The following VWA8 variants were observed in gnomAD, a reference collection of about 807,000 sequenced individuals.
The protein encoded by VWA8 is von Willebrand factor A domain containing 8.
Under a neutral mutation model 241.5 loss-of-function variants are expected in VWA8, and 221 were observed. The ratio of observed to expected loss-of-function variants is 0.91; its 90% CI spans 0.82 to 1.02. The LOEUF (loss-of-function observed/expected upper bound fraction) is 1.02. VWA8 is among the 50% of genes least tolerant of loss of function. The pLI is 0.00. For missense variants in VWA8, 2,322 were observed against 2,328.7 expected (o/e 1.00, Z 0.06); for synonymous variants, 852 against 827.1 (o/e 1.03, Z -0.52).
chr13:41,887,381 G>A lies in VWA8; in HGVS notation c.652-20C>T, dbSNP rs377514963. The A allele has an allele frequency of 1.1e-5, 17 of 1,601,886 alleles. No homozygotes were observed. The highest frequency in any genetic ancestry group is 6.7e-5 in the East Asian group (3 of 44,648). On this transcript the variant is annotated intron_variant, in intron 5 of 44. Transcript: ENST00000379310. ...ATGATCCTATAAAAGTAAGAGATCC[G>A]GAAGCTATAGCATAAATGATACAAA...
intron 16 of VWA8, among the ~76,000 whole-genome samples, chr13:41,816,442 G>A (rs576000571): frequency 1.8e-4 from 27 of 152,254 alleles, no homozygotes; most frequent in Non-Finnish European, 2.9e-4. Flanking sequence ...AGAGGGGACA[G>A]AGCAGAACCC....
At chr13:41,793,251 TA>T (rs1343284097) in intron 17 of VWA8, among the ~76,000 whole-genome samples, 1 of 152,182 alleles carries the variant, frequency 6.6e-6, no homozygotes, top group Non-Finnish European at 1.5e-5. Flanking sequence ...CTCCATTTAG[TA>T]GAATAATTTT....
chr13:41,838,370 G>A (rs965438041), intron 12 of VWA8, among the ~76,000 whole-genome samples: 1 of 152,064 alleles, frequency 6.6e-6, no homozygotes, highest in African/African-American at 2.4e-5. Flanking sequence ...TTGTTAGTGT[G>A]TAAAGAAATT....
intron 17 of VWA8, among the ~76,000 whole-genome samples, chr13:41,806,001 T>TAAAAAAAA (rs60826821): frequency 1.0e-4 from 12 of 118,900 alleles, no homozygotes; most frequent in African/African-American, 1.2e-4. Flanking sequence ...AATTCAAAAA[T>TAAAAAAAA]AAAAAAAAAA....
At chr13:41,591,456 G>A (rs988882560) in intron 40 of VWA8, among the ~76,000 whole-genome samples, 2 of 152,160 alleles carry the variant, frequency 1.3e-5, no homozygotes, top group African/African-American at 4.8e-5. Flanking sequence ...TTACATTAAT[G>A]AGTGGGAAGA....
At chr13:41,602,594 G>A (rs1242374037) in intron 40 of VWA8, among the ~76,000 whole-genome samples, 1 of 152,088 alleles carries the variant, frequency 6.6e-6, no homozygotes, top group Non-Finnish European at 1.5e-5. Context: ...TACCTGACTG[G>A]GTACCTGGCC....
intron 37 of VWA8, among the ~76,000 whole-genome samples, chr13:41,627,239 C>T (rs1227801666): frequency 1.3e-5 from 2 of 152,100 alleles, no homozygotes; most frequent in Non-Finnish European, 2.9e-5. Context: ...TCAGAATGGC[C>T]ATTATTAAAA....
intron 4 of VWA8, among the ~76,000 whole-genome samples, chr13:41,899,726 TG>T (rs1210699146): frequency 2.0e-4 from 31 of 152,302 alleles, no homozygotes; most frequent in African/African-American, 7.5e-4. Flanking sequence ...AATAAGCAAC[TG>T]AATAGAACAA....
At chr13:41,610,407 T>TAAA (rs1305301449) in intron 39 of VWA8, among the ~76,000 whole-genome samples, 2 of 152,162 alleles carry the variant, frequency 1.3e-5, no homozygotes, top group African/African-American at 2.4e-5. Flanking sequence ...AGAGGACAGA[T>TAAA]AAACTGTCAA....
At chr13:41,953,574 G>C (rs907295527) in intron 1 of VWA8, among the ~76,000 whole-genome samples, 7 of 152,182 alleles carry the variant, frequency 4.6e-5, no homozygotes, top group African/African-American at 1.7e-4. Context: ...GGGAGGCCGA[G>C]GTGGGTGGAT....
At position 41,605,083 on chromosome 13, in the gene VWA8, G is replaced by A; in HGVS notation, c.4986+85C>T. ...ACATTTTTTCGGACTGGCTAATTAG[G>A]GTTCAGATAATTTTCTCCAAGACTT... On this transcript the variant is annotated intron_variant, in intron 40 of 44. Transcript: ENST00000379310. 6.7e-6 allele frequency: 9 copies of A among 1,337,316 alleles called. No homozygotes were observed. The South Asian group carries it at 7.4e-5, about 11-fold the overall frequency. The allele number at this position is 1,337,316 out of a possible 1,614,324, so 82.8% of individuals were successfully genotyped here.
At position 41,833,384 on chromosome 13, in the gene VWA8, C is replaced by A. The variant is rs748219983; in HGVS notation, c.1573G>T (p.Ala525Ser). ...GIHRVNAGTL[A>S]VLQRLIHDRE... ...ACTCATACCCACCTTTGCAATACAG[C>A]AAGCGTGCCCGCATTCACCCGGTGA... is the stretch of plus-strand genomic sequence containing the variant. The change falls in exon 13 of 45, where the codon GCT becomes TCT. Residue 525 changes from alanine (A) to serine (S), a missense_variant. Ala to Ser is a moderately conservative substitution (Grantham distance 99). Transcript: ENST00000379310. The A allele has an allele frequency of 8.1e-6, 13 of 1,610,790 alleles. No individual in the cohort carries two copies. The East Asian group carries it at 2.9e-4, about 36-fold the overall frequency.
At chr13:41,729,020 A>G (rs1253360054) in intron 23 of VWA8, among the ~76,000 whole-genome samples, 2 of 152,046 alleles carry the variant, frequency 1.3e-5, no homozygotes, top group South Asian at 2.1e-4. Flanking sequence ...AGATTAATCT[A>G]TCTTCATTTT....
intron 2 of VWA8, among the ~76,000 whole-genome samples, chr13:41,940,431 A>G (rs1313676221): frequency 2.7e-5 from 4 of 148,014 alleles, no homozygotes; most frequent in Admixed American, 6.7e-5. Flanking sequence ...TTCAAAACAG[A>G]AAAAAAAAAA....
chr13:41,591,929 C>G (rs1479522206), intron 40 of VWA8, among the ~76,000 whole-genome samples: 4 of 139,744 alleles, frequency 2.9e-5, no homozygotes, highest in South Asian at 2.5e-4. Context: ...GGATCTAGAA[C>G]TAGAAATACC....
At chr13:41,903,700 T>C (rs1291559525) in intron 4 of VWA8, among the ~76,000 whole-genome samples, 2 of 152,112 alleles carry the variant, frequency 1.3e-5, no homozygotes, top group African/African-American at 2.4e-5. Flanking sequence ...GGAAAGGTGG[T>C]AGACAAACAT....
chr13:41,705,773 C>T (rs147641301), intron 26 of VWA8, among the ~76,000 whole-genome samples: 1 of 152,074 alleles, frequency 6.6e-6, no homozygotes, highest in African/African-American at 2.4e-5. Flanking sequence ...CTGTGAGGAT[C>T]AAGGAAGAGA....
chr13:41,692,771 G>T, intron 30 of VWA8, 91 bp downstream of exon 30: 1 of 905,684 alleles, frequency 1.1e-6, no homozygotes, highest in Non-Finnish European at 1.7e-6. Flanking sequence ...AACAAAAAAG[G>T]CACTTAAAGG....
chr13:41,898,108 A>G (rs1875216282), intron 4 of VWA8, among the ~76,000 whole-genome samples: 1 of 152,098 alleles, frequency 6.6e-6, no homozygotes, highest in Non-Finnish European at 1.5e-5. Context: ...TGAGCTAGAC[A>G]CAGGGTGCTG....
Sources: gnomAD v4.1 joint callset for allele counts (sites outside exome capture counted in the v4.1 genomes callset) on GRCh38, gnomAD v4.1.1 for gene constraint, MANE v1.5 for transcripts, NCBI Gene and HGNC (gene_info 2026-07-23, HGNC 2026-07-21) for gene names.